The following CDH8 variants were observed in gnomAD, a reference collection of about 807,000 sequenced individuals.
CDH8 encodes cadherin 8.
In CDH8, 17 loss-of-function variants were observed where a neutral mutation model predicts 68.1. The observed-to-expected ratio is 0.25, with a 90% CI of 0.17 to 0.37. The LOEUF (loss-of-function observed/expected upper bound fraction) is 0.37, where lower values mean the gene tolerates loss of function less well. Among genes scored for constraint, CDH8 ranks in the 10% least tolerant of loss-of-function variants. The pLI is 1.00. For missense variants in CDH8, 763 were observed against 999.3 expected, an observed-to-expected ratio of 0.76 and a Z score of 3.19; for synonymous variants, 372 against 365.1, an observed-to-expected ratio of 1.02 and a Z score of -0.21.
Position 61,901,200 on chromosome 16 carries a change from C to A in CDH8, c.526G>T (p.Val176Leu), listed in dbSNP as rs1963963947. 2 of 1,613,660 alleles carry A rather than the reference C, an allele frequency of 1.2e-6. No homozygotes were observed. The highest frequency in any genetic ancestry group is 1.7e-6 in the Non-Finnish European group (2 of 1,179,796). ...EFLNGPYHATVPEMSILGTSV... is the reference protein window; with the variant it reads ...EFLNGPYHATLPEMSILGTSV... ...ATACCCAAAATGGACATTTCTGGCA[C>A]AGTAGCATGATAGGGTCCATTAAGA... Residue 176 changes from valine to leucine, a missense_variant, in exon 3 of 12, where the codon GTG becomes TTG. By Grantham distance (32) the Val-to-Leu change is conservative. Around this residue, in one of 2 missense-constraint regions of CDH8, gnomAD observed 366 missense variants for 563.1 expected, o/e 0.65. Coordinates refer to ENST00000577390, the MANE Select transcript of CDH8 (RefSeq NM_001796.5).
chr16:61,959,271 A>G (rs1357551834), intron 2 of CDH8, among the ~76,000 whole-genome samples: 1 of 152,132 alleles, frequency 6.6e-6, no homozygotes, highest in Non-Finnish European at 1.5e-5. Context: ...TGCCCAGTAC[A>G]AAACACAAAT....
At chr16:61,977,446 C>G (rs1404165710) in intron 2 of CDH8, among the ~76,000 whole-genome samples, 1 of 152,084 alleles carries the variant, frequency 6.6e-6, no homozygotes, top group African/African-American at 2.4e-5. Flanking sequence ...GATTTCTCCC[C>G]ATGATTTGTG....
intron 2 of CDH8, among the ~76,000 whole-genome samples, chr16:61,945,604 G>C (rs549678929): frequency 4.0e-4 from 61 of 152,278 alleles, no homozygotes; most frequent in South Asian, 6.2e-4. Context: ...ACTTGACAAG[G>C]AAGAACAGAG....
At chr16:61,725,614 A>G (rs2142890440) in intron 9 of CDH8, 1 of 150,854 alleles carries the variant, frequency 6.6e-6, no homozygotes, top group African/African-American at 2.4e-5. Context: ...CTCTCTGACA[A>G]CTCAATCTAC....
intron 2 of CDH8, among the ~76,000 whole-genome samples, chr16:61,906,588 T>G (rs1470342454): frequency 1.3e-5 from 2 of 152,208 alleles, no homozygotes; most frequent in African/African-American, 4.8e-5. Flanking sequence ...AGACAAGATT[T>G]TACTATAAAA....
chr16:61,704,182 A>C (rs1168952719), intron 10 of CDH8, among the ~76,000 whole-genome samples: 1 of 152,172 alleles, frequency 6.6e-6, no homozygotes, highest in Non-Finnish European at 1.5e-5. Flanking sequence ...GCGATGTTTC[A>C]TGTCTGTAAA....
At chr16:61,934,001 A>G (rs1048152659) in intron 2 of CDH8, 2 of 152,228 alleles carry the variant, frequency 1.3e-5, no homozygotes, top group African/African-American at 2.4e-5. Flanking sequence ...ATCATCTGCT[A>G]TATTCAGACG....
intron 9 of CDH8, among the ~76,000 whole-genome samples, chr16:61,722,345 TG>T (rs1442749189): frequency 6.6e-6 from 1 of 150,892 alleles, no homozygotes; most frequent in Non-Finnish European, 1.5e-5. Context: ...GAGTTTTCTT[TG>T]TTCTTTGTTC....
chr16:61,666,279 C>T (rs571086217), intron 10 of CDH8, among the ~76,000 whole-genome samples: 4 of 151,498 alleles, frequency 2.6e-5, no homozygotes, highest in African/African-American at 9.7e-5. Context: ...TGGAACATAT[C>T]CCCTGCAGAT....
intron 3 of CDH8, among the ~76,000 whole-genome samples, chr16:61,880,228 A>C (rs527775111): frequency 6.6e-6 from 1 of 152,256 alleles, no homozygotes; most frequent in Non-Finnish European, 1.5e-5. Context: ...CCGGCCATAT[A>C]ATATGAAGTT....
intron 4 of CDH8, among the ~76,000 whole-genome samples, chr16:61,832,445 A>G (rs1962481808): frequency 6.6e-6 from 1 of 151,746 alleles, no homozygotes; most frequent in South Asian, 2.1e-4. Context: ...GATGGGTCTG[A>G]ATTTGGAGAA....
intron 2 of CDH8, among the ~76,000 whole-genome samples, chr16:61,993,932 AATTT>A (rs139406030): frequency 6.8e-4 from 103 of 152,302 alleles, no homozygotes; most frequent in African/African-American, 2.4e-3. Flanking sequence ...GATATATCAA[AATTT>A]ATTTAAGCAA....
intron 2 of CDH8, among the ~76,000 whole-genome samples, chr16:61,988,334 A>G (rs955961712): frequency 1.3e-5 from 2 of 152,224 alleles, no homozygotes; most frequent in African/African-American, 2.4e-5. Flanking sequence ...AAAACTCCAC[A>G]TGAACAGAAC....
chr16:61,947,926 G>C (rs190766923), intron 2 of CDH8, among the ~76,000 whole-genome samples: 12 of 152,224 alleles, frequency 7.9e-5, no homozygotes, highest in African/African-American at 2.9e-4. Context: ...GAGATAGTCA[G>C]GCAAACTCTG....
At chr16:61,846,168 T>C (rs916612873) in intron 4 of CDH8, among the ~76,000 whole-genome samples, 14 of 152,166 alleles carry the variant, frequency 9.2e-5, no homozygotes, top group African/African-American at 3.4e-4. Context: ...CTAATGATAC[T>C]GGTAATTCAA....
At chr16:61,737,867 A>C (rs1207918093) in intron 8 of CDH8, among the ~76,000 whole-genome samples, 2 of 152,162 alleles carry the variant, frequency 1.3e-5, no homozygotes, top group Non-Finnish European at 2.9e-5. Context: ...ACACAGAAGG[A>C]GGAGTTGACC....
chr16:61,735,441 G>A (rs1959650193), intron 8 of CDH8, among the ~76,000 whole-genome samples: 1 of 152,112 alleles, frequency 6.6e-6, no homozygotes, highest in Non-Finnish European at 1.5e-5. Context: ...AGCTCAAGAA[G>A]GTTAAGTACC....
intron 10 of CDH8, among the ~76,000 whole-genome samples, chr16:61,660,384 A>G (rs900171333): frequency 6.6e-6 from 1 of 152,052 alleles, no homozygotes; most frequent in Admixed American, 6.6e-5. Flanking sequence ...GTGAACTCAA[A>G]GATAGAACAA....
intron 10 of CDH8, among the ~76,000 whole-genome samples, chr16:61,702,189 G>A (rs1002542933): frequency 5.3e-5 from 8 of 152,046 alleles, no homozygotes; most frequent in Admixed American, 1.3e-4. Context: ...TGGCTAACAC[G>A]GTGAAACCCC....
Sources: gnomAD v4.1 joint callset for allele counts (sites outside exome capture counted in the v4.1 genomes callset) on GRCh38, gnomAD v4.1.1 for gene constraint, gnomAD v4.1.1 regional missense constraint, MANE v1.5 for transcripts, NCBI Gene and HGNC (gene_info 2026-07-23, HGNC 2026-07-21) for gene names.